HMCN1: variants seen among roughly 807,000 people sequenced by gnomAD.
HMCN1 encodes hemicentin-1.
HMCN1 carries 321 observed loss-of-function variants against 625.9 expected under a neutral mutation model. That is an observed-to-expected ratio of 0.51 (90% CI 0.47 to 0.56). HMCN1 has a LOEUF of 0.56. Ranked by LOEUF, HMCN1 falls within the 20% of genes least tolerant of loss-of-function variation. The pLI, the probability that HMCN1 is intolerant of heterozygous loss-of-function variation, is 0.00. For missense variants in HMCN1, 6,588 were observed against 6,887.3 expected (o/e 0.96, Z 1.54); for synonymous variants, 2,425 against 2,417.6 (o/e 1.00, Z -0.09).
At chr1:185,882,469 A>T (rs1348472155) in intron 4 of HMCN1, among the ~76,000 whole-genome samples, 1 of 151,356 alleles carries the variant, frequency 6.6e-6, no homozygotes. Context: ...TACCTGTTTT[A>T]CATTTCTTTT....
chr1:185,735,250 C>T (rs944435978), intron 1 of HMCN1, among the ~76,000 whole-genome samples: 2 of 152,166 alleles, frequency 1.3e-5, no homozygotes, highest in Non-Finnish European at 2.9e-5. Context: ...GTGGAGATGG[C>T]TTGTTTAGGG....
intron 1 of HMCN1, among the ~76,000 whole-genome samples, chr1:185,761,768 G>A (rs773330549): frequency 3.9e-5 from 6 of 152,170 alleles, no homozygotes; most frequent in Non-Finnish European, 5.9e-5. Context: ...AGTATAGGAC[G>A]TGAATACTTT....
intron 1 of HMCN1, among the ~76,000 whole-genome samples, chr1:185,793,272 C>T (rs1212770016): frequency 2.6e-5 from 4 of 152,116 alleles, no homozygotes; most frequent in East Asian, 3.8e-4. Context: ...GGATGCTTAC[C>T]ATCTGGAGGC....
intron 1 of HMCN1, among the ~76,000 whole-genome samples, chr1:185,838,452 A>G (rs1661299484): frequency 6.6e-6 from 1 of 152,136 alleles, no homozygotes. Context: ...TATACCCCCC[A>G]GTCTCAACCT....
intron 1 of HMCN1, among the ~76,000 whole-genome samples, chr1:185,839,429 A>C (rs992181876): frequency 1.3e-5 from 2 of 152,158 alleles, no homozygotes; most frequent in Non-Finnish European, 2.9e-5. Flanking sequence ...TGTTAATTAA[A>C]TCTTATTAAA....
At chr1:185,955,749 G>T (rs1649574828) in intron 11 of HMCN1, among the ~76,000 whole-genome samples, 1 of 152,108 alleles carries the variant, frequency 6.6e-6, no homozygotes, top group African/African-American at 2.4e-5. Context: ...GATGGCCACG[G>T]AACATTTTCT....
At chr1:185,794,708 T>A (rs1043810167) in intron 1 of HMCN1, among the ~76,000 whole-genome samples, 4 of 150,068 alleles carry the variant, frequency 2.7e-5, no homozygotes, top group African/African-American at 9.8e-5. Context: ...CCCAGCCCAC[T>A]GACTCAAATA....
chr1:185,791,669 C>A (rs1658007540), intron 1 of HMCN1, among the ~76,000 whole-genome samples: 1 of 152,100 alleles, frequency 6.6e-6, no homozygotes, highest in Non-Finnish European at 1.5e-5. Flanking sequence ...TTGCAGTGAG[C>A]CGAGATTGTG....
intron 82 of HMCN1, 21 bp downstream of exon 82, chr1:186,125,815 CAGATA>C: frequency 6.3e-7 from 1 of 1,581,926 alleles, no homozygotes; most frequent in Non-Finnish European, 8.7e-7. Flanking sequence ...TGGACGTGAA[CAGATA>C]CATTAAGCCA....
At chr1:186,007,001 T>C (rs1157024961) in intron 29 of HMCN1, 127 bp from the exon 30 acceptor site, 2 of 749,490 alleles carry the variant, frequency 2.7e-6, no homozygotes, top group Non-Finnish European at 4.5e-6. Flanking sequence ...GTGCTAATCA[T>C]ATCATTTTAT....
intron 1 of HMCN1, among the ~76,000 whole-genome samples, chr1:185,803,219 A>T (rs542947079): frequency 2.7e-5 from 4 of 146,432 alleles, no homozygotes; most frequent in Non-Finnish European, 5.9e-5. Flanking sequence ...AAAAAAAAAA[A>T]AAAACAAAAC....
At chr1:185,856,415 C>T (rs545438299) in intron 2 of HMCN1, among the ~76,000 whole-genome samples, 2 of 150,828 alleles carry the variant, frequency 1.3e-5, no homozygotes, top group South Asian at 4.2e-4. Context: ...TCTTGAGCAC[C>T]AGAGGTGGAG....
Position 186,174,714 on chromosome 1 carries a change from G to A in HMCN1, c.15943+72G>A, listed in dbSNP as rs749930049. ...ACCTAGCCTTACCAACTCGCTTAGG[G>A]CCACTTTCTCTATCCTCAAATGGTC... On this transcript the variant is annotated intron_variant, in intron 103 of 106. Transcript: ENST00000271588. 3.6e-6 allele frequency: 5 copies of A among 1,395,084 alleles called. No homozygotes were observed. In the Admixed American group the frequency reaches 8.5e-5, roughly 24 times the overall value. 86.4% of individuals were successfully genotyped at this position (1,395,084 alleles called of 1,614,324 possible).
intron 76 of HMCN1, 39 bp from the exon 77 acceptor site, chr1:186,117,420 G>A (rs551978011): frequency 3.7e-6 from 6 of 1,601,710 alleles, no homozygotes; most frequent in South Asian, 3.3e-5. Flanking sequence ...GGCTGGAAAT[G>A]TGTAGTTTTT....
intron 36 of HMCN1, among the ~76,000 whole-genome samples, chr1:186,037,504 G>A (rs1558164588): frequency 6.6e-6 from 1 of 152,024 alleles, no homozygotes; most frequent in Non-Finnish European, 1.5e-5. Flanking sequence ...ATTTTTTTCT[G>A]AAATAGCTTA....
chr1:185,859,156 GT>G (rs1662712200), intron 2 of HMCN1, among the ~76,000 whole-genome samples: 2 of 150,706 alleles, frequency 1.3e-5, no homozygotes, highest in African/African-American at 4.9e-5. Flanking sequence ...GTGTGTGTGT[GT>G]GTGTATAAGC....
intron 104 of HMCN1, 150 bp downstream of exon 104, chr1:186,178,916 C>T (rs552560770): frequency 1.4e-6 from 1 of 701,386 alleles, no homozygotes; most frequent in African/African-American, 1.8e-5. Context: ...ATTTTGGCAC[C>T]TAAAACTATT....
intron 1 of HMCN1, among the ~76,000 whole-genome samples, chr1:185,840,843 T>G (rs1056914633): frequency 1.3e-5 from 2 of 152,162 alleles, no homozygotes; most frequent in African/African-American, 4.8e-5. Flanking sequence ...AATATAAAGT[T>G]AAGAACAATA....
intron 1 of HMCN1, among the ~76,000 whole-genome samples, chr1:185,787,491 T>C (rs749031192): frequency 2.6e-5 from 4 of 152,212 alleles, no homozygotes; most frequent in Non-Finnish European, 5.9e-5. Flanking sequence ...AAATCCACAC[T>C]GCCTGTTGTC....
Sources: gnomAD v4.1 joint callset for allele counts (sites outside exome capture counted in the v4.1 genomes callset) on GRCh38, gnomAD v4.1.1 for gene constraint, MANE v1.5 for transcripts, NCBI Gene and HGNC (gene_info 2026-07-23, HGNC 2026-07-21) for gene names.